PKHD1: variants seen among roughly 807,000 people sequenced by gnomAD.
PKHD1 encodes the protein PKHD1 ciliary IPT domain containing fibrocystin/polyductin.
In PKHD1, 291 loss-of-function variants were observed where a neutral mutation model predicts 412.0. The ratio of observed to expected loss-of-function variants is 0.71; its 90% confidence interval spans 0.64 to 0.78. PKHD1 has a LOEUF of 0.78. PKHD1 is among the 30% of genes least tolerant of loss of function. PKHD1 has a pLI of 0.00. For synonymous variants in PKHD1, 1,777 were observed against 1,821.5 expected (o/e 0.98, Z 0.62); for missense variants, 4,825 against 4,950.7 (o/e 0.97, Z 0.76).
chr6:51,616,103 T>G lies in PKHD1; in HGVS notation c.*2978A>C, dbSNP rs1265180378. ...ATTGTATATATTTATCATGTACAAC[T>G]CGATAGTTTGAAATATGTATACATT... On this transcript the variant is annotated 3_prime_UTR_variant, in exon 67 of 67. Coordinates refer to ENST00000371117, the MANE Select transcript of PKHD1 (RefSeq NM_138694.4). The G allele has an allele frequency of 6.6e-6, 1 of 152,230 alleles. No homozygotes were observed. Among genetic ancestry groups the G allele is most frequent in the African/African-American group, 2.4e-5 (1 of 41,460 alleles). 9.4% of individuals were successfully genotyped at this position (152,230 alleles called of 1,614,324 possible).
At chr6:51,962,273 A>G (rs1222176013) in intron 35 of PKHD1, among the ~76,000 whole-genome samples, 2 of 152,132 alleles carry the variant, frequency 1.3e-5, no homozygotes, top group African/African-American at 4.8e-5. Context: ...GGCTCATTAC[A>G]CACACAGTAA....
intron 22 of PKHD1, among the ~76,000 whole-genome samples, chr6:52,049,381 T>G (rs1023958281): frequency 6.6e-6 from 1 of 152,240 alleles, no homozygotes; most frequent in Non-Finnish European, 1.5e-5. Context: ...ATCATATATT[T>G]GGTCCATCAC....
intron 62 of PKHD1, 46 bp downstream of exon 62, chr6:51,649,039 A>G (rs1187602396): frequency 1.9e-6 from 3 of 1,576,996 alleles, no homozygotes; most frequent in Non-Finnish European, 2.6e-6. Context: ...TGAATGCTAC[A>G]TGCTACTTAG....
chr6:51,643,255 TA>T (rs774916607), intron 63 of PKHD1, among the ~76,000 whole-genome samples: 10 of 152,288 alleles, frequency 6.6e-5, no homozygotes, highest in Admixed American at 5.2e-4. Flanking sequence ...CAACCTTGGA[TA>T]AATTCACTTC....
chr6:51,795,003 A>G (rs1378412478), intron 52 of PKHD1, among the ~76,000 whole-genome samples: 1 of 152,130 alleles, frequency 6.6e-6, no homozygotes, highest in African/African-American at 2.4e-5. Context: ...TGCCTTGGCT[A>G]TTCGGGCTCT....
intron 53 of PKHD1, among the ~76,000 whole-genome samples, chr6:51,783,023 AC>A (rs1330088096): frequency 6.6e-6 from 1 of 152,260 alleles, no homozygotes; most frequent in African/African-American, 2.4e-5. Context: ...TCGTTTCCTG[AC>A]AATCAAAGGC....
intron 62 of PKHD1, 56 bp from the exon 63 acceptor site, chr6:51,648,174 T>C: frequency 1.1e-6 from 1 of 944,424 alleles, no homozygotes; most frequent in Non-Finnish European, 1.8e-6. Context: ...GAAGAGAATT[T>C]TGTGAAGTTA....
chr6:51,663,548 C>T lies in PKHD1; in HGVS notation c.10157-3579G>A, dbSNP rs1290381066. 2.6e-5 allele frequency among the ~76,000 whole-genome samples: 4 copies of T among 152,132 alleles called. No individual in the cohort carries two copies. In the East Asian group the frequency reaches 7.7e-4, roughly 29 times the overall value. On this transcript the variant is annotated intron_variant, in intron 60 of 66. Transcript: ENST00000371117. ...TCAGGTCAGGGACAATATTTCATCTCTAAATCACCACAAGGGTCAACATTC... is the reference window on the plus strand; with the variant it reads ...TCAGGTCAGGGACAATATTTCATCTTTAAATCACCACAAGGGTCAACATTC...
At chr6:51,637,546 AAT>A (rs1159221313) in intron 64 of PKHD1, among the ~76,000 whole-genome samples, 1 of 152,144 alleles carries the variant, frequency 6.6e-6, no homozygotes, top group Non-Finnish European at 1.5e-5. Context: ...TTTAAGAGAT[AAT>A]GATCATATAG....
chr6:51,627,590 CT>C (rs997233066), intron 65 of PKHD1, among the ~76,000 whole-genome samples: 6 of 152,060 alleles, frequency 3.9e-5, no homozygotes, highest in East Asian at 3.9e-4. Context: ...ATTACTAATA[CT>C]TTTTTTAACC....
intron 43 of PKHD1, among the ~76,000 whole-genome samples, chr6:51,895,903 G>A (rs1228952398): frequency 6.6e-6 from 1 of 152,130 alleles, no homozygotes; most frequent in Non-Finnish European, 1.5e-5. Context: ...ACAAAGGGGT[G>A]ATGGACGGCA....
At chr6:52,062,793 A>C in intron 13 of PKHD1, 133 bp from the exon 14 acceptor site, 1 of 1,033,272 alleles carries the variant, frequency 9.7e-7, no homozygotes, top group East Asian at 2.4e-5. Context: ...AGAGCCAGAT[A>C]GAGTAGTTAT....
intron 35 of PKHD1, among the ~76,000 whole-genome samples, chr6:51,999,556 A>G (rs1339629685): frequency 6.6e-6 from 1 of 152,186 alleles, no homozygotes; most frequent in East Asian, 1.9e-4. Flanking sequence ...GTGGCTCTTT[A>G]AAGTAAGAGC....
chr6:51,755,503 T>C (rs908952326), intron 55 of PKHD1, among the ~76,000 whole-genome samples: 5 of 152,176 alleles, frequency 3.3e-5, no homozygotes, highest in Admixed American at 2.6e-4. Context: ...GAAAAGGCTA[T>C]ATTTGTACTT....
intron 2 of PKHD1, 23 bp from the exon 3 acceptor site, chr6:52,083,278 A>C (rs757388485): frequency 6.6e-7 from 1 of 1,514,416 alleles, no homozygotes; most frequent in Non-Finnish European, 9.2e-7. Context: ...GAAAAAAAAC[A>C]TTGGTTTTGA....
chr6:51,948,896 A>T (rs1228399052), intron 36 of PKHD1, among the ~76,000 whole-genome samples: 2 of 152,202 alleles, frequency 1.3e-5, no homozygotes, highest in Non-Finnish European at 2.9e-5. Flanking sequence ...ACTGTTAAAG[A>T]GGTAGATGAG....
intron 57 of PKHD1, among the ~76,000 whole-genome samples, chr6:51,750,775 A>C (rs570617658): frequency 6.6e-6 from 1 of 151,710 alleles, no homozygotes; most frequent in East Asian, 1.9e-4. Context: ...CATTAAATAA[A>C]GAATTAAGCA....
intron 60 of PKHD1, among the ~76,000 whole-genome samples, chr6:51,737,727 AGTGTGTGTGTGTGT>A: frequency 6.7e-6 from 1 of 149,714 alleles, no homozygotes; most frequent in East Asian, 2.0e-4. Flanking sequence ...TGTGTGTGTG[AGTGTGTGTGTGTGT>A]GTGTGTGTGT....
At chr6:51,874,257 C>A (rs992965550) in intron 46 of PKHD1, among the ~76,000 whole-genome samples, 1 of 145,516 alleles carries the variant, frequency 6.9e-6, no homozygotes, top group Admixed American at 7.1e-5. Context: ...AGTAGGGTGA[C>A]CGTAATTTAA....
Sources: gnomAD v4.1 joint callset for allele counts (sites outside exome capture counted in the v4.1 genomes callset) on GRCh38, gnomAD v4.1.1 for gene constraint, MANE v1.5 for transcripts, NCBI Gene and HGNC (gene_info 2026-07-23, HGNC 2026-07-21) for gene names.